Variants in IL1RAP observed in about 807,000 individuals in gnomAD.
IL1RAP encodes interleukin 1 receptor accessory protein.
A neutral mutation model predicts 60.7 loss-of-function variants in IL1RAP; 35 were observed. The observed-to-expected ratio is 0.58, with a 90% CI of 0.44 to 0.76. The LOEUF (loss-of-function observed/expected upper bound fraction) is 0.76. Among genes scored for constraint, IL1RAP ranks in the 30% least tolerant of loss-of-function variants. The probability of loss-of-function intolerance (pLI) is 0.00; values close to 1 mark genes in which losing one functional copy is unlikely to be tolerated. For missense variants in IL1RAP, 572 were observed against 693.9 expected, an observed-to-expected ratio of 0.82 and a Z score of 1.97; for synonymous variants, 268 against 250.9, an observed-to-expected ratio of 1.07 and a Z score of -0.64.
intron 5 of IL1RAP, among the ~76,000 whole-genome samples, chr3:190,611,765 GT>G (rs1360781449): frequency 1.3e-5 from 2 of 152,048 alleles, no homozygotes; most frequent in Admixed American, 6.6e-5. Context: ...GTTTTGCATG[GT>G]TTTTTTGTAT....
chr3:190,539,343 A>G (rs1454423551), intron 1 of IL1RAP, among the ~76,000 whole-genome samples: 1 of 152,168 alleles, frequency 6.6e-6, no homozygotes, highest in Non-Finnish European at 1.5e-5. Context: ...ACATTGTTTT[A>G]GTTTATTATA....
chr3:190,548,585 C>T (rs914434670), intron 1 of IL1RAP, among the ~76,000 whole-genome samples: 3 of 152,156 alleles, frequency 2.0e-5, no homozygotes, highest in African/African-American at 7.2e-5. Context: ...ACTGTGGACA[C>T]AAACTTAGAT....
chr3:190,542,885 T>G (rs1386631136), intron 1 of IL1RAP, among the ~76,000 whole-genome samples: 2 of 150,060 alleles, frequency 1.3e-5, no homozygotes, highest in Non-Finnish European at 3.0e-5. Flanking sequence ...GGGAATTTTT[T>G]TTTTTTTTTT....
chr3:190,563,587 C>A (rs9883249), intron 2 of IL1RAP: 68,389 of 151,894 alleles, frequency 0.45, 17,646 homozygotes, highest in South Asian at 0.57. Flanking sequence ...AATAGGAAGG[C>A]GAAAGATCAT....
At chr3:190,518,237 A>G (rs1721701568) in intron 1 of IL1RAP, among the ~76,000 whole-genome samples, 1 of 152,098 alleles carries the variant, frequency 6.6e-6, no homozygotes, top group South Asian at 2.1e-4. Context: ...TTCTATAGAG[A>G]TGATCTTTTG....
At chr3:190,585,075 G>C (rs1005248555) in intron 3 of IL1RAP, among the ~76,000 whole-genome samples, 1 of 152,158 alleles carries the variant, frequency 6.6e-6, no homozygotes, top group Non-Finnish European at 1.5e-5. Flanking sequence ...ACTCATTGAG[G>C]TTTCTGGTTA....
chr3:190,582,078 C>T (rs1412567695), intron 3 of IL1RAP, among the ~76,000 whole-genome samples: 6 of 152,190 alleles, frequency 3.9e-5, no homozygotes, highest in Non-Finnish European at 7.3e-5. Flanking sequence ...TTTGGGCAAG[C>T]TACTTAACCT....
rs1734388792 is a variant in IL1RAP at position 190,651,341 on chromosome 3, C to A, written c.*2636C>A. 2 of 904,970 alleles carry A rather than the reference C, an allele frequency of 2.2e-6. No homozygotes were observed. Among genetic ancestry groups the A allele is most frequent in the East Asian group, 1.2e-4 (1 of 8,422 alleles). The allele number at this position is 904,970 out of a possible 1,614,324, so 56.1% of individuals were successfully genotyped here. A position where few individuals can be genotyped will look rare whatever the true frequency, so the allele number is the denominator to read the frequency against. On this transcript the variant is annotated 3_prime_UTR_variant, in exon 12 of 12. Transcript: ENST00000447382. ...CAAGGACTCTAATAAAAAATCACTT[C>A]ATTGTATTTGGAAACAAAAACATCA...
intron 3 of IL1RAP, among the ~76,000 whole-genome samples, chr3:190,575,243 A>C (rs1427469697): frequency 6.6e-6 from 1 of 152,140 alleles, no homozygotes; most frequent in Non-Finnish European, 1.5e-5. Flanking sequence ...AAAGATGAAG[A>C]CATTGTGCGT....
intron 1 of IL1RAP, among the ~76,000 whole-genome samples, chr3:190,535,572 C>T (rs1303671706): frequency 6.6e-6 from 1 of 152,200 alleles, no homozygotes; most frequent in Non-Finnish European, 1.5e-5. Flanking sequence ...CAGCTCCCCA[C>T]CAGGGCCACT....
chr3:190,636,120 A>G (rs1450568249), intron 9 of IL1RAP, among the ~76,000 whole-genome samples: 1 of 152,228 alleles, frequency 6.6e-6, no homozygotes, highest in Admixed American at 6.5e-5. Context: ...TTAAAAAAAA[A>G]GTATTTGCAG....
At chr3:190,653,739 AT>A (rs2108873349), downstream of IL1RAP, among the ~76,000 whole-genome samples, 1 of 152,286 alleles carries the variant, frequency 6.6e-6, no homozygotes, top group Admixed American at 6.5e-5. Context: ...GCCATACCTC[AT>A]TTTTTGAGCC....
At chr3:190,632,622 A>G (rs1011005118) in intron 9 of IL1RAP, among the ~76,000 whole-genome samples, 1 of 152,216 alleles carries the variant, frequency 6.6e-6, no homozygotes, top group South Asian at 2.1e-4. Flanking sequence ...AATTTATTCT[A>G]TGCTTAGTGG....
intron 1 of IL1RAP, among the ~76,000 whole-genome samples, chr3:190,522,189 G>C (rs975294882): frequency 6.6e-6 from 1 of 151,964 alleles, no homozygotes; most frequent in African/African-American, 2.4e-5. Context: ...GCTGAGCTTC[G>C]GAATCAGGCT....
At chr3:190,555,302 C>CTCTCTACTCTGCTTCCT (rs1725314345) in intron 1 of IL1RAP, among the ~76,000 whole-genome samples, 2 of 151,284 alleles carry the variant, frequency 1.3e-5, no homozygotes, top group Non-Finnish European at 2.9e-5. Flanking sequence ...TTCCTCCCTC[C>CTCTCTACTCTGCTTCCT]TCTCTACTCC....
chr3:190,581,050 A>T (rs1166040837), intron 3 of IL1RAP, among the ~76,000 whole-genome samples: 1 of 152,118 alleles, frequency 6.6e-6, no homozygotes, highest in East Asian at 1.9e-4. Context: ...TCTTCAGAGG[A>T]CTCAGCCCTT....
chr3:190,610,866 C>A (rs910965091), intron 5 of IL1RAP, among the ~76,000 whole-genome samples: 1 of 151,936 alleles, frequency 6.6e-6, no homozygotes, highest in African/African-American at 2.4e-5. Context: ...CAATTTGAAC[C>A]GAAATAATTT....
intron 3 of IL1RAP, among the ~76,000 whole-genome samples, chr3:190,593,091 T>C (rs538482539): frequency 3.2e-4 from 49 of 152,246 alleles, no homozygotes; most frequent in South Asian, 1.5e-3. Context: ...TTTTTTTGAA[T>C]TTGGCATTCT....
chr3:190,548,816 T>C (rs1724604477), intron 1 of IL1RAP, among the ~76,000 whole-genome samples: 1 of 152,220 alleles, frequency 6.6e-6, no homozygotes, highest in Admixed American at 6.5e-5. Flanking sequence ...TTATTTCCTT[T>C]CAGTGATAGA....
Sources: gnomAD v4.1 joint callset for allele counts (sites outside exome capture counted in the v4.1 genomes callset) on GRCh38, gnomAD v4.1.1 for gene constraint, MANE v1.5 for transcripts, NCBI Gene and HGNC (gene_info 2026-07-23, HGNC 2026-07-21) for gene names.